NYAP2: variants seen among roughly 807,000 people sequenced by gnomAD.
The protein encoded by NYAP2 is neuronal tyrosine-phosphorylated phosphoinositide-3-kinase adaptor 2.
A neutral mutation model predicts 50.4 loss-of-function variants in NYAP2; 23 were observed. The ratio of observed to expected loss-of-function variants is 0.46; its 90% CI spans 0.33 to 0.65. The LOEUF is 0.65. Among genes scored for constraint, NYAP2 ranks in the 30% least tolerant of loss-of-function variants. The pLI is 0.02. For missense variants in NYAP2, 885 were observed against 861.0 expected (o/e 1.03, Z -0.35); for synonymous variants, 394 against 365.2 (o/e 1.08, Z -0.90).
chr2:225,461,428 C>A (rs1313091351), intron 3 of NYAP2, among the ~76,000 whole-genome samples: 4 of 152,164 alleles, frequency 2.6e-5, no homozygotes. Flanking sequence ...CCTAATATTG[C>A]CAAATAAGAA....
chr2:225,636,297 A>G (rs1170126127), intron 6 of NYAP2, among the ~76,000 whole-genome samples: 2 of 152,154 alleles, frequency 1.3e-5, no homozygotes, highest in Non-Finnish European at 2.9e-5. Flanking sequence ...AGTGTGGATA[A>G]AAACTTTGCT....
At chr2:225,644,341 G>GC (rs1693589120) in intron 6 of NYAP2, among the ~76,000 whole-genome samples, 1 of 151,346 alleles carries the variant, frequency 6.6e-6, no homozygotes, top group South Asian at 2.1e-4. Context: ...CTGGATATTA[G>GC]CCCTTTGTCA....
chr2:225,402,102 G>A (rs138799482), intron 2 of NYAP2, among the ~76,000 whole-genome samples: 322 of 152,112 alleles, frequency 2.1e-3, no homozygotes, highest in African/African-American at 7.4e-3. Flanking sequence ...CCTATGGAAA[G>A]TGCAACATAC....
At chr2:225,532,787 G>T (rs1691280417) in intron 4 of NYAP2, among the ~76,000 whole-genome samples, 1 of 152,180 alleles carries the variant, frequency 6.6e-6, no homozygotes, top group African/African-American at 2.4e-5. Flanking sequence ...ACTAGCCAAA[G>T]TTTAAAGAAT....
intron 6 of NYAP2, among the ~76,000 whole-genome samples, chr2:225,639,935 C>T (rs139590189): frequency 1.8e-4 from 28 of 152,206 alleles, no homozygotes; most frequent in Middle Eastern, 6.8e-3. Flanking sequence ...AACTCTGTGA[C>T]GCCATGACCC....
chr2:225,688,806 G>A, the NYAP2 span, among the ~76,000 whole-genome samples: 3,053 of 152,216 alleles, frequency 0.02, 106 homozygotes, highest in African/African-American at 0.068. Flanking sequence ...GCAGTGGCAC[G>A]ATCTTGGCTC....
chr2:225,463,973 A>G (rs1689876151), intron 3 of NYAP2, among the ~76,000 whole-genome samples: 1 of 152,214 alleles, frequency 6.6e-6, no homozygotes, highest in African/African-American at 2.4e-5. Flanking sequence ...AACAAAGAAC[A>G]GCCCTGTCAG....
At chr2:225,610,776 C>T (rs1276740897) in intron 5 of NYAP2, among the ~76,000 whole-genome samples, 2 of 152,028 alleles carry the variant, frequency 1.3e-5, no homozygotes, top group East Asian at 1.9e-4. Flanking sequence ...GGGAAAGTCA[C>T]CCTAAAGAAT....
chr2:225,622,568 T>TTTC (rs1559232954), intron 5 of NYAP2, among the ~76,000 whole-genome samples: 25 of 108,894 alleles, frequency 2.3e-4, no homozygotes, highest in African/African-American at 6.7e-4. Flanking sequence ...TTTTTCTTTC[T>TTTC]TTCTTTCTTT....
chr2:225,688,013 A>G, the NYAP2 span, among the ~76,000 whole-genome samples: 1 of 152,204 alleles, frequency 6.6e-6, no homozygotes, highest in Non-Finnish European at 1.5e-5. Flanking sequence ...ATTCTCTGAC[A>G]TTGGTGCCTA....
chr2:225,676,745 A>C, the NYAP2 span, among the ~76,000 whole-genome samples: 18 of 152,272 alleles, frequency 1.2e-4, no homozygotes, highest in South Asian at 2.1e-4. Flanking sequence ...GGGAGCCACA[A>C]GATAAGATTT....
intron 3 of NYAP2, among the ~76,000 whole-genome samples, chr2:225,474,856 G>C (rs1249505741): frequency 6.6e-6 from 1 of 152,182 alleles, no homozygotes; most frequent in Admixed American, 6.5e-5. Context: ...TGTTGAATAG[G>C]AGTGGTGAGA....
intron 5 of NYAP2, among the ~76,000 whole-genome samples, chr2:225,615,024 C>A (rs1692964153): frequency 6.6e-6 from 1 of 152,076 alleles, no homozygotes; most frequent in Admixed American, 6.6e-5. Flanking sequence ...CAAAAAAATT[C>A]CAGCTGGCAG....
intron 4 of NYAP2, among the ~76,000 whole-genome samples, chr2:225,541,114 G>C (rs914400275): frequency 6.6e-6 from 1 of 152,072 alleles, no homozygotes; most frequent in Non-Finnish European, 1.5e-5. Flanking sequence ...TGTTCAGATA[G>C]TTGCCCATTT....
At chr2:225,631,531 G>A (rs1427161951) in intron 6 of NYAP2, among the ~76,000 whole-genome samples, 1 of 152,130 alleles carries the variant, frequency 6.6e-6, no homozygotes, top group African/African-American at 2.4e-5. Flanking sequence ...CAAAACAGAG[G>A]GGCAAGTGTA....
chr2:225,630,191 A>G (rs1314732382), intron 6 of NYAP2, among the ~76,000 whole-genome samples: 1 of 152,234 alleles, frequency 6.6e-6, no homozygotes, highest in Non-Finnish European at 1.5e-5. Flanking sequence ...GTGACAAGAT[A>G]GCAAAAGTCC....
intron 4 of NYAP2, among the ~76,000 whole-genome samples, chr2:225,533,966 A>C (rs1691303502): frequency 6.6e-6 from 1 of 152,198 alleles, no homozygotes; most frequent in African/African-American, 2.4e-5. Flanking sequence ...TTCTAACCAA[A>C]ATTTACATTT....
chr2:225,621,792 G>T (rs903440324), intron 5 of NYAP2, among the ~76,000 whole-genome samples: 1 of 151,746 alleles, frequency 6.6e-6, no homozygotes, highest in East Asian at 1.9e-4. Flanking sequence ...CACATGCCAT[G>T]GTGGTTTGCT....
the NYAP2 span, among the ~76,000 whole-genome samples, chr2:225,688,164 G>A: frequency 2.0e-5 from 3 of 152,172 alleles, no homozygotes; most frequent in Admixed American, 6.5e-5. Flanking sequence ...AAAAAGAGAC[G>A]TTCTCAGTCA....
Sources: gnomAD v4.1 joint callset for allele counts (sites outside exome capture counted in the v4.1 genomes callset) on GRCh38, gnomAD v4.1.1 for gene constraint, MANE v1.5 for transcripts, NCBI Gene and HGNC (gene_info 2026-07-23, HGNC 2026-07-21) for gene names.